The following ADAMTS13 variants were observed in gnomAD, a reference collection of about 807,000 sequenced individuals.
The protein encoded by ADAMTS13 is ADAM metallopeptidase with thrombospondin type 1 motif 13, also known as A disintegrin and metalloproteinase with thrombospondin motifs 13.
A neutral mutation model predicts 155.1 loss-of-function variants in ADAMTS13; 110 were observed. The ratio of observed to expected loss-of-function variants is 0.71; its 90% CI spans 0.61 to 0.83. The LOEUF is 0.83. Ranked by LOEUF, ADAMTS13 falls within the 40% of genes least tolerant of loss-of-function variation. The pLI is 0.00. For synonymous variants in ADAMTS13, 758 were observed against 756.4 expected (o/e 1.00, Z -0.03); for missense variants, 1,707 against 1,891.7 (o/e 0.90, Z 1.81).
At position 133,426,813 on chromosome 9, in the gene ADAMTS13, T is replaced by C. The variant is rs587744486; in HGVS notation, c.686+468T>C. 5.9e-5 allele frequency among the ~76,000 whole-genome samples: 9 copies of C among 152,250 alleles called. No individual in the cohort carries two copies. In the East Asian group the frequency reaches 7.7e-4, roughly 13 times the overall value. Reference sequence around the variant, plus strand: ...ATTTCTTTTTCTTTTCTTTTCTTTTTTTTTTTTGAGATGAAGTTTCGCTCT... The same window carrying C: ...ATTTCTTTTTCTTTTCTTTTCTTTTCTTTTTTTGAGATGAAGTTTCGCTCT... On this transcript the variant is annotated intron_variant, in intron 6 of 28. Transcript: ENST00000355699.
upstream of ADAMTS13, chr9:133,417,638 G>C (rs782687368): frequency 1.6e-5 from 26 of 1,613,748 alleles, no homozygotes; most frequent in South Asian, 2.5e-4. Context: ...GCGCCTTCCA[G>C]TTTTGAGAAA....
chr9:133,433,564 G>T, intron 10 of ADAMTS13, 35 bp downstream of exon 10: 1 of 1,613,780 alleles, frequency 6.2e-7, no homozygotes, highest in Non-Finnish European at 8.5e-7. Context: ...GTCAGGGAGT[G>T]TGGCCATACC....
rs782235228 is a variant in ADAMTS13 at position 133,437,902 on chromosome 9, G to A, written c.1584+5G>A. On this transcript the variant is annotated splice_donor_5th_base_variant and intron_variant, in intron 13 of 28. Transcript: ENST00000355699. ...TGTGTGTCGGGCAGCTGCAGGGTAGGCGTGTGTGGACATTGGCGATGGCCC... is the reference window on the plus strand; with the variant it reads ...TGTGTGTCGGGCAGCTGCAGGGTAGACGTGTGTGGACATTGGCGATGGCCC... 1.4e-5 allele frequency: 23 copies of A among 1,613,272 alleles called. No homozygotes were observed. Among genetic ancestry groups the A allele is most frequent in the Non-Finnish European group, 1.9e-5 (23 of 1,179,936 alleles).
chr9:133,438,910 CAA>C (rs34233340), intron 14 of ADAMTS13, among the ~76,000 whole-genome samples: 21 of 111,162 alleles, frequency 1.9e-4, no homozygotes, highest in Admixed American at 4.9e-4. Flanking sequence ...GACACTGTCT[CAA>C]AAAAAAAAAA....
intron 6 of ADAMTS13, among the ~76,000 whole-genome samples, chr9:133,428,426 C>A (rs1449344415): frequency 4.6e-5 from 7 of 152,212 alleles, no homozygotes; most frequent in African/African-American, 1.7e-4. Context: ...GCGCTCCCTT[C>A]TGGGGGAAAC....
chr9:133,432,473 G>C, intron 8 of ADAMTS13, 115 bp from the exon 9 acceptor site: 1 of 924,990 alleles, frequency 1.1e-6, no homozygotes, highest in South Asian at 1.4e-5. Flanking sequence ...CCACGGTGCA[G>C]AGTGTTGGCT....
At chr9:133,450,364 T>C (rs1297576915) in intron 23 of ADAMTS13, among the ~76,000 whole-genome samples, 1 of 150,802 alleles carries the variant, frequency 6.6e-6, no homozygotes, top group Non-Finnish European at 1.5e-5. Context: ...AGGTTGGGAG[T>C]TCGAGACCAG....
chr9:133,428,771 G>C lies in ADAMTS13; in HGVS notation c.824G>C (p.Ser275Thr). The change falls in exon 7 of 29, where the codon AGC becomes ACC. Residue 275 changes from serine (S) to threonine (T), a missense_variant and splice_region_variant. By Grantham distance (58) the Ser-to-Thr change is moderately conservative. Transcript: ENST00000355699. ...CSRRQLLSLL[S>T]AGRARCVWDP... ...CGCCGGCAGCTGCTGAGCCTGCTCA[G>C]GTAGCGGCCGCCCCGTGGGAGGGGC... 1.5e-6 allele frequency: 2 copies of C among 1,334,048 alleles called. No homozygotes were observed. Among genetic ancestry groups the C allele is most frequent in the Non-Finnish European group, 1.9e-6 (2 of 1,040,672 alleles). 82.6% of individuals were successfully genotyped at this position (1,334,048 alleles called of 1,614,324 possible).
upstream of ADAMTS13, among the ~76,000 whole-genome samples, chr9:133,418,322 C>G (rs1038246386): frequency 5.3e-5 from 8 of 152,226 alleles, no homozygotes; most frequent in African/African-American, 1.9e-4. Context: ...GAGAGCCGGG[C>G]TAGGTCGCTC....
At chr9:133,439,114 C>A (rs2130858737) in intron 14 of ADAMTS13, among the ~76,000 whole-genome samples, 1 of 152,282 alleles carries the variant, frequency 6.6e-6, no homozygotes, top group Middle Eastern at 3.4e-3. Context: ...GAGACTTGAG[C>A]CCTGCCTCCC....
intron 23 of ADAMTS13, among the ~76,000 whole-genome samples, chr9:133,451,989 G>C (rs1401917642): frequency 2.7e-5 from 4 of 150,350 alleles, no homozygotes; most frequent in Admixed American, 2.6e-4. Flanking sequence ...GGGACCAAAG[G>C]ATTTTTTTTT....
upstream of ADAMTS13, among the ~76,000 whole-genome samples, chr9:133,418,753 A>G (rs1486503655): frequency 6.6e-6 from 1 of 152,230 alleles, no homozygotes; most frequent in Non-Finnish European, 1.5e-5. Context: ...AATGTCTGAA[A>G]TCTATAGATA....
In ADAMTS13 at chr9:133,425,626, T is replaced by C; in HGVS notation, c.414+14T>C. On this transcript the variant is annotated intron_variant, in intron 4 of 28. Transcript: ENST00000355699. The surrounding 1 kb of genome is among the most constrained non-coding windows in gnomAD (Gnocchi z 4.6). ...ACAGAGCCTGAGGTAGGCATGGAGC[T>C]GGAACTCAGCACACCATACAGAGCG... The C allele has an allele frequency of 6.2e-7, 1 of 1,612,424 alleles. No individual in the cohort carries two copies.
chr9:133,435,935 G>A (rs1486855884), intron 11 of ADAMTS13, among the ~76,000 whole-genome samples: 2 of 151,184 alleles, frequency 1.3e-5, no homozygotes, highest in Non-Finnish European at 2.9e-5. Context: ...CACATCCGCT[G>A]CAGCACTTGC....
chr9:133,422,642 AC>A, intron 1 of ADAMTS13, 94 bp downstream of exon 1: 15 of 1,267,290 alleles, frequency 1.2e-5, no homozygotes, highest in South Asian at 2.5e-5. Context: ...ATAGCTGACT[AC>A]ATCAGCTTTG....
rs782305581 is a variant in ADAMTS13 at position 133,426,308 on chromosome 9, G to C, written c.649G>C (p.Asp217His). The change falls in exon 6 of 29, where the codon GAC becomes CAC. Residue 217 changes from aspartate (D) to histidine (H), a missense_variant. Physicochemically the swap from Asp to His is moderately conservative, Grantham distance 81. Around this residue, in one of 3 missense-constraint regions of ADAMTS13, gnomAD observed 733 missense variants for 749.6 expected, o/e 0.98. Transcript: ENST00000355699. ...SCLITEDTGFDLGVTIAHEIG... is the reference protein window; with the variant it reads ...SCLITEDTGFHLGVTIAHEIG... ...CCTCATTACCGAGGACACTGGCTTCGACCTGGGAGTCACCATTGCCCATGA... is the reference window on the plus strand; with the variant it reads ...CCTCATTACCGAGGACACTGGCTTCCACCTGGGAGTCACCATTGCCCATGA... 2.2e-5 allele frequency: 35 copies of C among 1,605,180 alleles called. No individual in the cohort carries two copies. The highest frequency in any genetic ancestry group is 2.9e-5 in the Non-Finnish European group (34 of 1,179,986).
rs200287441 is a variant in ADAMTS13, at chr9:133,431,652, T to TTATA, written c.988-935_988-934insATAT. ...AGTTCATTTTTTTCTTCTGATTTTA[T>TTATA]TTTATTTATTTATTTATTTTGAGAC... On this transcript the variant is annotated intron_variant, in intron 8 of 28. Transcript: ENST00000355699. Among the ~76,000 whole-genome samples the TTATA allele has an allele frequency of 7.3e-5, 11 of 151,412 alleles. No individual in the cohort carries two copies. In the East Asian group the frequency reaches 2.1e-3, roughly 30 times the overall value.
At chr9:133,448,465 C>A in intron 21 of ADAMTS13, 134 bp from the exon 22 acceptor site, 1 of 1,173,762 alleles carries the variant, frequency 8.5e-7, no homozygotes, top group Non-Finnish European at 1.3e-6. Flanking sequence ...TCTGAGGTCA[C>A]ACAGCTGGTA....
intron 6 of ADAMTS13, among the ~76,000 whole-genome samples, chr9:133,428,334 C>A (rs1009131092): frequency 6.6e-6 from 1 of 152,202 alleles, no homozygotes; most frequent in South Asian, 2.1e-4. Flanking sequence ...ACTCCTAACA[C>A]CATGATTTAA....
Sources: allele counts gnomAD v4.1 joint callset (sites outside exome capture counted in the v4.1 genomes callset), GRCh38; gene constraint gnomAD v4.1.1; regional missense constraint gnomAD v4.1.1; non-coding constraint Gnocchi (gnomAD v3.1); transcripts MANE v1.5; gene names NCBI Gene and HGNC (gene_info 2026-07-23, HGNC 2026-07-21).